ZCCHC14: variants seen among roughly 807,000 people sequenced by gnomAD.
The protein encoded by ZCCHC14 is zinc finger CCHC domain-containing protein 14.
A neutral mutation model predicts 85.0 loss-of-function variants in ZCCHC14; 16 were observed. The ratio of observed to expected loss-of-function variants is 0.19; its 90% CI spans 0.13 to 0.29. The LOEUF (loss-of-function observed/expected upper bound fraction) is 0.29. Among genes scored for constraint, ZCCHC14 ranks in the 10% least tolerant of loss-of-function variants. The pLI is 1.00. For synonymous variants in ZCCHC14, 775 were observed against 630.7 expected (o/e 1.23, Z -3.43); for missense variants, 1,303 against 1,443.5 (o/e 0.90, Z 1.58).
intron 1 of ZCCHC14, among the ~76,000 whole-genome samples, chr16:87,480,258 C>G (rs890139929): frequency 2.0e-5 from 3 of 151,942 alleles, no homozygotes; most frequent in Non-Finnish European, 4.4e-5. Flanking sequence ...AAAAAATTAG[C>G]CTGGCATGGT....
At chr16:87,419,736 G>A in intron 6 of ZCCHC14, 47 bp downstream of exon 6, 1 of 1,119,454 alleles carries the variant, frequency 8.9e-7, no homozygotes, top group Non-Finnish European at 1.2e-6. Flanking sequence ...GCGCCCAGCT[G>A]TTTTTTTTTT....
In ZCCHC14 at chr16:87,414,453, C is replaced by A; in HGVS notation, c.1564G>T (p.Val522Phe). 2 of 1,613,212 alleles carry A rather than the reference C, an allele frequency of 1.2e-6. No homozygotes were observed. The highest frequency in any genetic ancestry group is 1.7e-6 in the Non-Finnish European group (2 of 1,179,976). The change falls in exon 10 of 13, where the codon GTC (valine) becomes TTC (phenylalanine). Residue 522 changes from valine (V) to phenylalanine (F), a missense_variant. This residue lies in a region of ZCCHC14 where 58 missense variants were observed against 88.2 expected (regional missense o/e 0.66). Transcript: ENST00000671377. ...GVARVPPTSH[V>F]GPVQSGRGSH... The stretch of plus-strand genomic sequence containing the variant: ...CCCCGCCCCGACTGCACGGGCCCGA[C>A]GTGGCTGGTGGGGGGCACTCGAGCC...
In ZCCHC14 at chr16:87,493,010, G is replaced by C. The variant is rs1281256034; in HGVS notation, c.-772C>G. Reference sequence around the variant, plus strand: ...TCGCGCTCGCGGCTGACGGGCGGCCGGGATCAGCAGAAGTGGGCGGGGTGG... The same window carrying C: ...TCGCGCTCGCGGCTGACGGGCGGCCCGGATCAGCAGAAGTGGGCGGGGTGG... On this transcript the variant is annotated 5_prime_UTR_variant, in exon 1 of 13. Coordinates refer to ENST00000671377, the MANE Select transcript of ZCCHC14 (RefSeq NM_015144.3). Among the ~76,000 whole-genome samples, 4 of 152,060 alleles carry C rather than the reference G, an allele frequency of 2.6e-5. No individual in the cohort carries two copies. The highest frequency in any genetic ancestry group is 9.6e-5 in the African/African-American group (4 of 41,566).
At chr16:87,430,163 G>C (rs1002572868) in intron 3 of ZCCHC14, among the ~76,000 whole-genome samples, 1 of 152,198 alleles carries the variant, frequency 6.6e-6, no homozygotes, top group African/African-American at 2.4e-5. Context: ...TTTCCTCCCA[G>C]TAGTTTTTGT....
rs774304839 is a variant in ZCCHC14, at chr16:87,407,309, G to A, written c.*2971C>T. Reference sequence around the variant, plus strand: ...CTCCTGTAATCTTTTGGAGATGACAGATGATACTGGTTTTTAAAATACCCA... The same window carrying A: ...CTCCTGTAATCTTTTGGAGATGACAAATGATACTGGTTTTTAAAATACCCA... On this transcript the variant is annotated 3_prime_UTR_variant, in exon 13 of 13. Coordinates refer to ENST00000671377, the MANE Select transcript of ZCCHC14 (RefSeq NM_015144.3). 2 of 152,234 alleles carry A rather than the reference G, an allele frequency of 1.3e-5. No homozygotes were observed. The highest frequency in any genetic ancestry group is 2.4e-5 in the African/African-American group (1 of 41,460). 9.4% of individuals were successfully genotyped at this position (152,234 alleles called of 1,614,324 possible).
chr16:87,435,378 G>T (rs148809495), intron 2 of ZCCHC14, among the ~76,000 whole-genome samples: 1 of 152,206 alleles, frequency 6.6e-6, no homozygotes, highest in African/African-American at 2.4e-5. Flanking sequence ...CCCAGACAGC[G>T]CTGTCTAAAC....
rs1416007290 is a variant in ZCCHC14 at position 87,417,486 on chromosome 16, C to T, written c.1357G>A (p.Val453Ile). ...RKLRLHKYYP[V>I]FKQLSMEKFL... ...TTCTCCATGGAGAGCTGCTTAAAGA[C>T]GGGGTAATACTTGTGCAAACGCAGT... Residue 453 changes from valine to isoleucine, a missense_variant, in exon 8 of 13, where the codon GTC (valine) becomes ATC (isoleucine). By Grantham distance (29) the Val-to-Ile change is conservative. Transcript: ENST00000671377. The T allele has an allele frequency of 1.2e-6, 2 of 1,614,020 alleles. No individual in the cohort carries two copies. Among genetic ancestry groups the T allele is most frequent in the Non-Finnish European group, 1.7e-6 (2 of 1,179,988 alleles).
At chr16:87,465,828 T>C (rs116104783) in intron 1 of ZCCHC14, among the ~76,000 whole-genome samples, 19,227 of 152,084 alleles carry the variant, frequency 0.13, 4,106 homozygotes, top group African/African-American at 0.44. Flanking sequence ...CCTCTTATTT[T>C]TTTATTAAAA....
chr16:87,491,574 T>C lies in ZCCHC14; in HGVS notation c.570+95A>G, dbSNP rs1912770603. 1 of 1,171,114 alleles carries C rather than the reference T, an allele frequency of 8.5e-7. No homozygotes were observed. Among genetic ancestry groups the C allele is most frequent in the Non-Finnish European group, 1.1e-6 (1 of 908,454 alleles). 72.5% of individuals were successfully genotyped at this position (1,171,114 alleles called of 1,614,324 possible). A position where few individuals can be genotyped will look rare whatever the true frequency, so the allele number is the denominator to read the frequency against. ...GAGCTCTCAGTGCAGGCTGGAGGCGTGGGTCGGGGGGTCGCGGTGCAGGCT... is the reference window on the plus strand; with the variant it reads ...GAGCTCTCAGTGCAGGCTGGAGGCGCGGGTCGGGGGGTCGCGGTGCAGGCT... On this transcript the variant is annotated intron_variant, in intron 1 of 12. Transcript: ENST00000671377. The surrounding 1 kb of genome is among the most constrained non-coding windows in gnomAD (Gnocchi z 5.9).
At chr16:87,475,530 G>A (rs1042760708) in intron 1 of ZCCHC14, among the ~76,000 whole-genome samples, 5 of 149,028 alleles carry the variant, frequency 3.4e-5, no homozygotes, top group African/African-American at 5.0e-5. Context: ...TCCAGCCTGG[G>A]TGGCAGAGCA....
At chr16:87,478,207 TG>T (rs1313962532) in intron 1 of ZCCHC14, among the ~76,000 whole-genome samples, 1 of 152,232 alleles carries the variant, frequency 6.6e-6, no homozygotes, top group African/African-American at 2.4e-5. Flanking sequence ...CTGCACGACG[TG>T]TGGCACAATG....
Position 87,491,557 on chromosome 16 carries a change from AGTG to A in ZCCHC14, c.570+109_570+111del. The A allele has an allele frequency of 1.0e-6, 1 of 983,216 alleles. No homozygotes were observed. The highest frequency in any genetic ancestry group is 3.7e-5 in the East Asian group (1 of 26,908). The allele number at this position is 983,216 out of a possible 1,614,324, so 60.9% of individuals were successfully genotyped here. A position where few individuals can be genotyped will look rare whatever the true frequency, so the allele number is the denominator to read the frequency against. ...GTTGGAGACCTGGGTGGGAGCTCTC[AGTG>A]CAGGCTGGAGGCGTGGGTCGGGGGG... On this transcript the variant is annotated intron_variant, in intron 1 of 12. Coordinates refer to ENST00000671377, the MANE Select transcript of ZCCHC14 (RefSeq NM_015144.3). The surrounding 1 kb of genome is among the most constrained non-coding windows in gnomAD (Gnocchi z 5.9).
At chr16:87,478,397 GGGT>G (rs1912119071) in intron 1 of ZCCHC14, among the ~76,000 whole-genome samples, 1 of 152,174 alleles carries the variant, frequency 6.6e-6, no homozygotes, top group Non-Finnish European at 1.5e-5. Flanking sequence ...CTGGGAGTCG[GGGT>G]GCAGAGAAGG....
At chr16:87,444,150 C>A (rs944821256) in intron 2 of ZCCHC14, among the ~76,000 whole-genome samples, 11 of 152,050 alleles carry the variant, frequency 7.2e-5, no homozygotes, top group Non-Finnish European at 1.6e-4. Context: ...ATCAGCAGGG[C>A]ACACACAGCA....
intron 2 of ZCCHC14, among the ~76,000 whole-genome samples, chr16:87,455,723 C>T (rs766415168): frequency 2.6e-5 from 4 of 152,276 alleles, no homozygotes; most frequent in Admixed American, 1.3e-4. Context: ...CTGGAGTTGA[C>T]GATTTTTCGA....
intron 2 of ZCCHC14, among the ~76,000 whole-genome samples, chr16:87,459,786 G>A (rs1478555498): frequency 6.6e-6 from 1 of 152,142 alleles, no homozygotes; most frequent in Admixed American, 6.5e-5. Context: ...TGGGATTACA[G>A]GTGTGAGAAA....
chr16:87,456,899 CTG>C (rs1910995663), intron 2 of ZCCHC14, among the ~76,000 whole-genome samples: 1 of 152,198 alleles, frequency 6.6e-6, no homozygotes. Flanking sequence ...ACCTCCTTCA[CTG>C]TCTCACAAAA....
At chr16:87,442,965 C>G (rs1265405791) in intron 2 of ZCCHC14, among the ~76,000 whole-genome samples, 1 of 152,182 alleles carries the variant, frequency 6.6e-6, no homozygotes, top group Non-Finnish European at 1.5e-5. Flanking sequence ...GTCAGCGGGC[C>G]TGCTCTGAAA....
intron 12 of ZCCHC14, among the ~76,000 whole-genome samples, chr16:87,411,156 G>A (rs760008262): frequency 9.9e-5 from 15 of 152,228 alleles, no homozygotes; most frequent in African/African-American, 1.2e-4. Flanking sequence ...CAGAGGGTCC[G>A]GAATGCCGAT....
Sources: gnomAD v4.1 joint callset for allele counts (sites outside exome capture counted in the v4.1 genomes callset) on GRCh38, gnomAD v4.1.1 for gene constraint, gnomAD v4.1.1 regional missense constraint, Gnocchi (gnomAD v3.1) non-coding constraint, MANE v1.5 for transcripts, NCBI Gene and HGNC (gene_info 2026-07-23, HGNC 2026-07-21) for gene names.